NRG1: variants seen among roughly 807,000 people sequenced by gnomAD.
NRG1 encodes the protein neuregulin 1.
Under a neutral mutation model 63.8 loss-of-function variants are expected in NRG1, and 18 were observed. The ratio of observed to expected loss-of-function variants is 0.28; its 90% confidence interval spans 0.19 to 0.42. The LOEUF is 0.42. Among genes scored for constraint, NRG1 ranks in the 10% least tolerant of loss-of-function variants. The probability of loss-of-function intolerance (pLI) is 1.00; values close to 1 mark genes in which losing one functional copy is unlikely to be tolerated. For synonymous variants in NRG1, 302 were observed against 301.3 expected, an observed-to-expected ratio of 1.00 and a Z score of -0.02; for missense variants, 762 against 814.7, an observed-to-expected ratio of 0.94 and a Z score of 0.79.
chr8:31,974,744 T>C (rs993590282), intron 1 of NRG1, among the ~76,000 whole-genome samples: 1 of 152,134 alleles, frequency 6.6e-6, no homozygotes, highest in Non-Finnish European at 1.5e-5. Context: ...ACTGACAAAA[T>C]AGCGAAGAAT....
At chr8:32,091,332 C>A (rs1829123340) in intron 1 of NRG1, among the ~76,000 whole-genome samples, 1 of 151,774 alleles carries the variant, frequency 6.6e-6, no homozygotes, top group Non-Finnish European at 1.5e-5. Flanking sequence ...TTCCTACAAC[C>A]TCTCAGTGCT....
At chr8:32,156,956 A>G (rs560579771) in intron 1 of NRG1, among the ~76,000 whole-genome samples, 1 of 152,206 alleles carries the variant, frequency 6.6e-6, no homozygotes, top group South Asian at 2.1e-4. Flanking sequence ...GTTCTAGGAT[A>G]TTGGAGTTGA....
intron 1 of NRG1, among the ~76,000 whole-genome samples, chr8:31,788,139 A>T (rs1241660082): frequency 6.6e-6 from 1 of 152,120 alleles, no homozygotes; most frequent in Non-Finnish European, 1.5e-5. Flanking sequence ...TTACTAACCA[A>T]GTTAAGTGTC....
intron 1 of NRG1, among the ~76,000 whole-genome samples, chr8:32,578,177 G>C (rs1456736657): frequency 1.3e-5 from 2 of 152,024 alleles, no homozygotes; most frequent in Non-Finnish European, 2.9e-5. Flanking sequence ...TGTATTTTTA[G>C]TAGAGACAAG....
intron 1 of NRG1, among the ~76,000 whole-genome samples, chr8:32,485,677 G>A (rs867104445): frequency 3.9e-5 from 6 of 152,182 alleles, no homozygotes; most frequent in African/African-American, 1.2e-4. Flanking sequence ...GAGAACACAC[G>A]TATTAACCAA....
At chr8:32,280,453 A>G (rs375164228) in intron 1 of NRG1, among the ~76,000 whole-genome samples, 1 of 152,336 alleles carries the variant, frequency 6.6e-6, no homozygotes, top group African/African-American at 2.4e-5. Context: ...ACATTATGCT[A>G]AGTGAAATAA....
chr8:31,645,222 C>T (rs1323496816), intron 1 of NRG1, among the ~76,000 whole-genome samples: 2 of 152,142 alleles, frequency 1.3e-5, no homozygotes, highest in Non-Finnish European at 2.9e-5. Context: ...TTACCCCCAA[C>T]CTCTCCAGAA....
intron 1 of NRG1, among the ~76,000 whole-genome samples, chr8:32,178,905 G>A (rs147810142): frequency 8.6e-5 from 13 of 152,036 alleles, no homozygotes; most frequent in African/African-American, 2.2e-4. Context: ...AAAAATCACC[G>A]TTGTAGAAAA....
intron 1 of NRG1, among the ~76,000 whole-genome samples, chr8:31,808,815 C>T (rs1822553559): frequency 6.6e-6 from 1 of 151,982 alleles, no homozygotes; most frequent in South Asian, 2.1e-4. Flanking sequence ...CATTTTTAAA[C>T]TTTGCAGCAG....
At chr8:32,722,695 T>G (rs1820950395) in intron 5 of NRG1, among the ~76,000 whole-genome samples, 1 of 152,198 alleles carries the variant, frequency 6.6e-6, no homozygotes, top group Admixed American at 6.5e-5. Context: ...TACATAATAT[T>G]GTAAGTAAGT....
intron 1 of NRG1, among the ~76,000 whole-genome samples, chr8:32,167,020 A>T (rs1353693948): frequency 1.3e-5 from 2 of 152,234 alleles, no homozygotes; most frequent in African/African-American, 2.4e-5. Context: ...CCCAGGAGGT[A>T]TGTAAAAGCT....
At chr8:32,020,165 G>A (rs2130191678) in intron 1 of NRG1, among the ~76,000 whole-genome samples, 1 of 152,208 alleles carries the variant, frequency 6.6e-6, no homozygotes, top group African/African-American at 2.4e-5. Flanking sequence ...TCTGCATTTA[G>A]TTAGTTCATT....
intron 1 of NRG1, among the ~76,000 whole-genome samples, chr8:32,290,536 G>C (rs1854068538): frequency 6.6e-6 from 1 of 151,998 alleles, no homozygotes; most frequent in Non-Finnish European, 1.5e-5. Flanking sequence ...GAGGCTCAGA[G>C]GACCTCCTCT....
chr8:31,639,257 C>T (rs1206798117), exon 1 of NRG1: 3 of 1,073,576 alleles, frequency 2.8e-6, no homozygotes, highest in Non-Finnish European at 4.1e-6. Context: ...TAAGCCTCCG[C>T]AGCCCACTCG....
intron 1 of NRG1, among the ~76,000 whole-genome samples, chr8:32,106,832 T>A (rs886136789): frequency 6.6e-6 from 1 of 152,200 alleles, no homozygotes; most frequent in South Asian, 2.1e-4. Flanking sequence ...TCAGTTTTCT[T>A]TTTCTTCCTT....
chr8:32,633,456 C>T (rs900789966), intron 5 of NRG1, among the ~76,000 whole-genome samples: 21 of 152,154 alleles, frequency 1.4e-4, no homozygotes, highest in Non-Finnish European at 2.9e-5. Flanking sequence ...CTTCTTCTAT[C>T]ACTAATCAAA....
intron 1 of NRG1, among the ~76,000 whole-genome samples, chr8:31,825,715 T>C (rs1226796842): frequency 1.3e-5 from 2 of 152,142 alleles, no homozygotes; most frequent in African/African-American, 2.4e-5. Context: ...CAAGTTAACT[T>C]AGGTCATCTA....
chr8:32,583,164 T>G (rs975641004), intron 1 of NRG1, among the ~76,000 whole-genome samples: 2 of 152,182 alleles, frequency 1.3e-5, no homozygotes, highest in Non-Finnish European at 2.9e-5. Context: ...GGCTTTTTCT[T>G]AGATATTTAT....
intron 1 of NRG1, among the ~76,000 whole-genome samples, chr8:32,467,942 T>C (rs532564193): frequency 6.6e-6 from 1 of 152,348 alleles, no homozygotes; most frequent in East Asian, 1.9e-4. Flanking sequence ...TTAGGTACTT[T>C]GAAAATCCCA....
Sources: allele counts gnomAD v4.1 joint callset (sites outside exome capture counted in the v4.1 genomes callset), GRCh38; gene constraint gnomAD v4.1.1; transcripts MANE v1.5; gene names NCBI Gene and HGNC (gene_info 2026-07-23, HGNC 2026-07-21).